Variants in COG8 observed in about 807,000 individuals in gnomAD.
COG8 encodes component of oligomeric golgi complex 8, also known as conserved oligomeric Golgi complex subunit 8.
COG8 carries 45 observed loss-of-function variants against 46.5 expected under a neutral mutation model. The ratio of observed to expected loss-of-function variants is 0.97; its 90% CI spans 0.76 to 1.24. The LOEUF (loss-of-function observed/expected upper bound fraction) is 1.24, where lower values mean the gene tolerates loss of function less well. Among genes scored for constraint, COG8 ranks in the 50% most tolerant of loss-of-function variants. The pLI, the probability that COG8 is intolerant of heterozygous loss-of-function variation, is 0.00. For synonymous variants in COG8, 407 were observed against 347.8 expected (o/e 1.17, Z -1.90); for missense variants, 793 against 820.8 (o/e 0.97, Z 0.41).
chr16:69,330,339 C>G, intron 5 of COG8: 1 of 1,460,118 alleles, frequency 6.8e-7, no homozygotes, highest in Non-Finnish European at 9.0e-7. Context: ...GGGGCCGCCA[C>G]GCCGCGCAGC....
Position 69,334,895 on chromosome 16 carries a change from C to T in COG8, c.1039G>A (p.Gly347Ser), listed in dbSNP as rs752942688. 1 of 1,614,184 alleles carries T rather than the reference C, an allele frequency of 6.2e-7. No homozygotes were observed. The highest frequency in any genetic ancestry group is 8.5e-7 in the Non-Finnish European group (1 of 1,180,046). The change falls in exon 3 of 6, where the codon GGC becomes AGC. Residue 347 changes from glycine (G) to serine (S), a missense_variant. Gly to Ser is a moderately conservative substitution (Grantham distance 56, BLOSUM62 0). Transcript: ENST00000306875. ...GACAGCCCAAAGTACATGCACTGGC[C>T]CAGCAGAGAGTCCAGGTGGCCGCCT... ...GIGGHLDSLL[G>S]QCMYFGLSFS... is the part of the protein sequence containing the mutation.
In COG8 at chr16:69,335,028, A is replaced by C. The variant is rs2012118602; in HGVS notation, c.906T>G (p.Pro302=). ...CATTCACAGTGTGCTCACCCATGGCAGGGGGCAGCAGTGGGTCCTCGTCTG... is the reference window on the plus strand; with the variant it reads ...CATTCACAGTGTGCTCACCCATGGCCGGGGGCAGCAGTGGGTCCTCGTCTG... ...IFSDEDPLLP[P]AMGEHTVNES... is the part of the protein sequence containing the mutation. The change falls in exon 3 of 6, where the codon CCT becomes CCG. Residue 302 remains proline, a synonymous_variant. Coordinates refer to ENST00000306875, the MANE Select transcript of COG8 (RefSeq NM_032382.5). 6.2e-7 allele frequency: 1 copy of C among 1,614,052 alleles called. No individual in the cohort carries two copies. The highest frequency in any genetic ancestry group is 8.5e-7 in the Non-Finnish European group (1 of 1,180,030).
In COG8 at chr16:69,334,674, C is replaced by G. The variant is rs774761870; in HGVS notation, c.1260G>C (p.Pro420=). ...GCACCATGGGTGGCTGCAGCGTCCC[C>G]GGCTGGGTGGCTGGCACAGCAGCAG... The part of the protein sequence containing the change: ...NMPAAVPATQ[P]GTLQPPMVLL... The change falls in exon 3 of 6, where the codon CCG becomes CCC. Residue 420 remains proline, a synonymous_variant. Coordinates refer to ENST00000306875, the MANE Select transcript of COG8 (RefSeq NM_032382.5). 2 of 1,614,080 alleles carry G rather than the reference C, an allele frequency of 1.2e-6. No individual in the cohort carries two copies. Among genetic ancestry groups the G allele is most frequent in the Non-Finnish European group, 1.7e-6 (2 of 1,180,052 alleles).
rs183689477 is a variant in COG8 at position 69,337,821 on chromosome 16, C to T, written c.378-1109G>A. Among the ~76,000 whole-genome samples the T allele has an allele frequency of 4.1e-3, 626 of 151,882 alleles. 21 individuals carry two copies. The highest frequency in any genetic ancestry group is 0.037 in the Admixed American group (561 of 15,252). ...CATCATCTTGGCTCACTGCAACCTCCGCTTCTCAGGTTCAAGTAATTCTCC... is the reference window on the plus strand; with the variant it reads ...CATCATCTTGGCTCACTGCAACCTCTGCTTCTCAGGTTCAAGTAATTCTCC... On this transcript the variant is annotated intron_variant, in intron 1 of 5. Coordinates refer to ENST00000306875, the MANE Select transcript of COG8 (RefSeq NM_032382.5).
At chr16:69,330,464 G>C in intron 5 of COG8, 1 of 1,470,914 alleles carries the variant, frequency 6.8e-7, no homozygotes, top group Non-Finnish European at 8.9e-7. Context: ...GACGCCGTCC[G>C]GGGCGGCCGT....
chr16:69,335,815 C>CAAAAAAAAAAAAG (rs1249220060), intron 2 of COG8, among the ~76,000 whole-genome samples: 2 of 88,756 alleles, frequency 2.3e-5, no homozygotes, highest in Non-Finnish European at 4.6e-5. Flanking sequence ...GACTCTGTCT[C>CAAAAAAAAAAAAG]AAAAAAAAAA....
At chr16:69,331,752 C>T (rs529276523) in intron 4 of COG8, among the ~76,000 whole-genome samples, 3 of 152,148 alleles carry the variant, frequency 2.0e-5, no homozygotes, top group Non-Finnish European at 2.9e-5. Flanking sequence ...CCATCCGCCT[C>T]GGCCTCCCAA....
At chr16:69,330,042 C>G (rs2011653032) in intron 5 of COG8, 1 of 1,548,422 alleles carries the variant, frequency 6.5e-7, no homozygotes, top group Non-Finnish European at 8.7e-7. Context: ...GCCAGGAAGC[C>G]GGCGACGCTC....
Position 69,328,706 on chromosome 16 carries a change from T to C in COG8, c.*500A>G, listed in dbSNP as rs1008740867. The C allele has an allele frequency of 2.4e-5, 7 of 297,084 alleles. No individual in the cohort carries two copies. Among genetic ancestry groups the C allele is most frequent in the Admixed American group, 1.7e-4 (3 of 17,452 alleles). 18.4% of individuals were successfully genotyped at this position (297,084 alleles called of 1,614,324 possible). On this transcript the variant is annotated 3_prime_UTR_variant, in exon 6 of 6. Transcript: ENST00000306875. ...ATTACCAAACCTTGGCTTTGGGAGA[T>C]TATACAGGTCCGAGGAACTCGTGTC...
Position 69,328,157 on chromosome 16 carries a change from A to G in COG8, c.*1049T>C, listed in dbSNP as rs1002549071. 4 of 152,224 alleles carry G rather than the reference A, an allele frequency of 2.6e-5. No individual in the cohort carries two copies. The highest frequency in any genetic ancestry group is 4.4e-5 in the Non-Finnish European group (3 of 68,056). The allele number at this position is 152,224 out of a possible 1,614,324, so 9.4% of individuals were successfully genotyped here. A position where few individuals can be genotyped will look rare whatever the true frequency, so the allele number is the denominator to read the frequency against. On this transcript the variant is annotated 3_prime_UTR_variant, in exon 6 of 6. Coordinates refer to ENST00000306875, the MANE Select transcript of COG8 (RefSeq NM_032382.5). ...GAGACAGGGTTTCACCATCTTGGCC[A>G]GGCTGGTCTTGAGCTCCTGACCTCG...
intron 5 of COG8, among the ~76,000 whole-genome samples, chr16:69,329,442 C>G (rs1343139434): frequency 2.0e-5 from 3 of 152,204 alleles, no homozygotes; most frequent in Non-Finnish European, 4.4e-5. Flanking sequence ...TTCTACGGTG[C>G]GACCCTTCCG....
Position 69,329,157 on chromosome 16 carries a change from C to T in COG8, c.*49G>A, listed in dbSNP as rs752727705. ...CCCACCCGCTCGCCTGCCACACCAC[C>T]TGTTCTCCATTGGGGTCCAGCCCTG... On this transcript the variant is annotated 3_prime_UTR_variant, in exon 6 of 6. Coordinates refer to ENST00000306875, the MANE Select transcript of COG8 (RefSeq NM_032382.5). 4 of 1,607,366 alleles carry T rather than the reference C, an allele frequency of 2.5e-6. No individual in the cohort carries two copies. Among genetic ancestry groups the T allele is most frequent in the Admixed American group, 1.7e-5 (1 of 59,194 alleles).
At chr16:69,330,523 G>A (rs755605675) in intron 5 of COG8, 64 of 1,474,712 alleles carry the variant, frequency 4.3e-5, no homozygotes, top group Non-Finnish European at 1.1e-5. Context: ...CCCACGGCAC[G>A]GCCGCCCACA....
At position 69,336,498 on chromosome 16, in the gene COG8, T is replaced by C. The variant is rs1411186495; in HGVS notation, c.585+7A>G. ...TACTTTGAGTCCTCTCTGGGCAAGGTGGCTACCTGGATGACAGGGATGGAA... is the reference window on the plus strand; with the variant it reads ...TACTTTGAGTCCTCTCTGGGCAAGGCGGCTACCTGGATGACAGGGATGGAA... On this transcript the variant is annotated splice_region_variant and intron_variant, in intron 2 of 5. Transcript: ENST00000306875. The C allele has an allele frequency of 6.2e-7, 1 of 1,613,762 alleles. No individual in the cohort carries two copies. The highest frequency in any genetic ancestry group is 1.1e-5 in the South Asian group (1 of 91,046).
At chr16:69,336,291 A>G (rs1482107140) in intron 2 of COG8, among the ~76,000 whole-genome samples, 1 of 152,176 alleles carries the variant, frequency 6.6e-6, no homozygotes, top group Non-Finnish European at 1.5e-5. Context: ...AGCCAGGACC[A>G]CTTTATTCAC....
intron 1 of COG8, among the ~76,000 whole-genome samples, chr16:69,337,218 T>C (rs1321111733): frequency 1.3e-5 from 2 of 150,272 alleles, no homozygotes; most frequent in East Asian, 3.9e-4. Context: ...GAGGTGGAGG[T>C]TGCGGTGAGC....
In COG8 at chr16:69,336,634, A is replaced by C. The variant is rs768831779; in HGVS notation, c.456T>G (p.Ile152Met). The C allele has an allele frequency of 1.2e-5, 20 of 1,613,944 alleles. No homozygotes were observed. Among genetic ancestry groups the C allele is most frequent in the Non-Finnish European group, 1.5e-5 (18 of 1,180,016 alleles). Residue 152 changes from isoleucine to methionine, a missense_variant, in exon 2 of 6, where the codon ATT (isoleucine) becomes ATG (methionine). Physicochemically the swap from Ile to Met is conservative, Grantham distance 10. Coordinates refer to ENST00000306875, the MANE Select transcript of COG8 (RefSeq NM_032382.5). ...NSLTLNRHTE[I>M]LEILEIPQLM... ...GCTGAGGAATCTCCAGTATTTCCAA[A>C]ATTTCTGTGTGCCGGTTTAGGGTCA...
chr16:69,329,546 A>G (rs1426788783), intron 5 of COG8, among the ~76,000 whole-genome samples: 1 of 152,154 alleles, frequency 6.6e-6, no homozygotes, highest in East Asian at 1.9e-4. Context: ...GACCATCTTG[A>G]ACCGACGGGC....
intron 1 of COG8, among the ~76,000 whole-genome samples, chr16:69,337,014 T>C (rs2012243516): frequency 6.6e-6 from 1 of 152,096 alleles, no homozygotes; most frequent in African/African-American, 2.4e-5. Context: ...AAACGGTATA[T>C]AGGGCCAGGC....
Sources: gnomAD v4.1 joint callset for allele counts (sites outside exome capture counted in the v4.1 genomes callset) on GRCh38, gnomAD v4.1.1 for gene constraint, MANE v1.5 for transcripts, NCBI Gene and HGNC (gene_info 2026-07-23, HGNC 2026-07-21) for gene names.